Variants in ANK1 observed in about 807,000 individuals in gnomAD.
ANK1 encodes the protein ankyrin-1.
In ANK1, 51 loss-of-function variants were observed where a neutral mutation model predicts 210.4. The ratio of observed to expected loss-of-function variants is 0.24; its 90% CI spans 0.19 to 0.31. ANK1 has a LOEUF of 0.31. Among genes scored for constraint, ANK1 ranks in the 10% least tolerant of loss-of-function variants. The pLI, the probability that ANK1 is intolerant of heterozygous loss-of-function variation, is 1.00. For synonymous variants in ANK1, 967 were observed against 1,025.9 expected (o/e 0.94, Z 1.10); for missense variants, 2,051 against 2,504.4 (o/e 0.82, Z 3.86).
intron 20 of ANK1, 33 bp from the exon 21 acceptor site, chr8:41,702,177 A>G: frequency 6.3e-7 from 1 of 1,577,664 alleles, no homozygotes; most frequent in Non-Finnish European, 8.7e-7. Flanking sequence ...GCAGTCAGAC[A>G]GGGGATGGAG....
rs1849002757 is a variant in ANK1, at chr8:41,797,559, C to A, written c.-21G>T. Reference sequence around the variant, plus strand: ...GGCATGCCGGTCTTTCAGCAGGGGCCCGCCGAAGGGCCTTGGGGGCTTGAG... The same window carrying A: ...GGCATGCCGGTCTTTCAGCAGGGGCACGCCGAAGGGCCTTGGGGGCTTGAG... On this transcript the variant is annotated 5_prime_UTR_variant, in exon 1 of 43. Transcript: ENST00000289734. This position sits in a 1 kb window ranked among gnomAD's most constrained non-coding sequence, Gnocchi z 4.0. 1 of 1,613,268 alleles carries A rather than the reference C, an allele frequency of 6.2e-7. No homozygotes were observed. Among genetic ancestry groups the A allele is most frequent in the Non-Finnish European group, 8.5e-7 (1 of 1,179,844 alleles).
intron 34 of ANK1, 45 bp downstream of exon 34, chr8:41,688,465 CT>C (rs1818309835): frequency 6.2e-7 from 1 of 1,600,482 alleles, no homozygotes; most frequent in African/African-American, 1.3e-5. Flanking sequence ...CACGCCCACC[CT>C]TCTTGGGAAG....
chr8:41,876,932 C>G (rs1055732447), intron 1 of ANK1, among the ~76,000 whole-genome samples: 2 of 152,160 alleles, frequency 1.3e-5, no homozygotes, highest in African/African-American at 2.4e-5. Context: ...CATGGAAAAA[C>G]TCATATTTTC....
chr8:41,800,534 A>G (rs1315589079), upstream of ANK1, among the ~76,000 whole-genome samples: 2 of 152,186 alleles, frequency 1.3e-5, no homozygotes, highest in East Asian at 3.9e-4. Context: ...AAAAGATAAT[A>G]AACTGATAGT....
upstream of ANK1, among the ~76,000 whole-genome samples, chr8:41,801,054 G>T (rs1462002386): frequency 1.3e-5 from 2 of 152,126 alleles, no homozygotes; most frequent in African/African-American, 4.8e-5. Context: ...ATTCAGCCAG[G>T]ATTCATTTAT....
chr8:41,840,978 G>A (rs1808787142), intron 1 of ANK1, among the ~76,000 whole-genome samples: 4 of 152,192 alleles, frequency 2.6e-5, no homozygotes, highest in African/African-American at 9.7e-5. Context: ...CGCTGCTACA[G>A]AGAACAGTGT....
At chr8:41,673,733 G>C (rs550076469) in intron 37 of ANK1, among the ~76,000 whole-genome samples, 1 of 152,352 alleles carries the variant, frequency 6.6e-6, no homozygotes, top group African/African-American at 2.4e-5. Flanking sequence ...CTCAGGCCCT[G>C]AGTGCATGAC....
intron 1 of ANK1, chr8:41,829,985 T>C (rs563702571): frequency 1.3e-5 from 2 of 151,302 alleles, no homozygotes; most frequent in Non-Finnish European, 2.9e-5. Flanking sequence ...CTTTAGTTTT[T>C]ATAAGTGAGG....
chr8:41,821,217 G>C (rs1313401122), intron 1 of ANK1, among the ~76,000 whole-genome samples: 2 of 152,146 alleles, frequency 1.3e-5, no homozygotes, highest in Non-Finnish European at 2.9e-5. Context: ...AATCATGAGA[G>C]ACTTTGTCAA....
chr8:41,698,827 G>A (rs995703708), intron 23 of ANK1, among the ~76,000 whole-genome samples: 8 of 151,078 alleles, frequency 5.3e-5, no homozygotes, highest in Admixed American at 5.3e-4. Flanking sequence ...ATGGAGTTTC[G>A]CTCTTGTTGC....
At chr8:41,862,170 A>T (rs1010776677) in intron 1 of ANK1, among the ~76,000 whole-genome samples, 2 of 152,178 alleles carry the variant, frequency 1.3e-5, no homozygotes, top group African/African-American at 4.8e-5. Flanking sequence ...TTGAGGCATA[A>T]CAGAGCTAGA....
At chr8:41,790,183 G>A (rs1847341022) in intron 1 of ANK1, among the ~76,000 whole-genome samples, 1 of 146,714 alleles carries the variant, frequency 6.8e-6, no homozygotes, top group African/African-American at 2.5e-5. Context: ...TTTCACTCTT[G>A]TCGCCCAGGC....
upstream of ANK1, among the ~76,000 whole-genome samples, chr8:41,799,853 G>A (rs1177223760): frequency 6.6e-6 from 1 of 152,168 alleles, no homozygotes; most frequent in Non-Finnish European, 1.5e-5. Context: ...GTTTCGGGGA[G>A]CAGCCTGGTT....
intron 1 of ANK1, among the ~76,000 whole-genome samples, chr8:41,857,652 C>A (rs529093095): frequency 1.1e-4 from 16 of 151,986 alleles, no homozygotes; most frequent in African/African-American, 3.6e-4. Context: ...GCAGGAGAAT[C>A]ACTTGAACCC....
chr8:41,740,450 A>C (rs1046122041), intron 2 of ANK1, among the ~76,000 whole-genome samples: 2 of 139,784 alleles, frequency 1.4e-5, no homozygotes, highest in Non-Finnish European at 3.2e-5. Context: ...GTGAGCCACC[A>C]CGCCCAATTG....
At chr8:41,866,290 A>G (rs1180900927) in intron 1 of ANK1, among the ~76,000 whole-genome samples, 3 of 152,202 alleles carry the variant, frequency 2.0e-5, no homozygotes, top group Non-Finnish European at 4.4e-5. Flanking sequence ...CCTGGGCTCA[A>G]GCGATTCTCC....
intron 1 of ANK1, among the ~76,000 whole-genome samples, chr8:41,805,122 TTCTC>T (rs749558095): frequency 6.6e-4 from 98 of 148,354 alleles, no homozygotes; most frequent in Non-Finnish European, 1.1e-3. Context: ...ATAGAGCTCT[TTCTC>T]TCTTTCTTTC....
chr8:41,677,555 G>A (rs996627440), intron 37 of ANK1, among the ~76,000 whole-genome samples: 1 of 150,654 alleles, frequency 6.6e-6, no homozygotes, highest in Non-Finnish European at 1.5e-5. Flanking sequence ...GCCACACCAT[G>A]TTCTGGCTTC....
At chr8:41,728,938 C>A (rs1224270089) in intron 3 of ANK1, among the ~76,000 whole-genome samples, 3 of 152,326 alleles carry the variant, frequency 2.0e-5, no homozygotes, top group Non-Finnish European at 2.9e-5. Flanking sequence ...GGCAACAAGC[C>A]CTCTGAGAGG....
Sources: gnomAD v4.1 joint callset for allele counts (sites outside exome capture counted in the v4.1 genomes callset) on GRCh38, gnomAD v4.1.1 for gene constraint, Gnocchi (gnomAD v3.1) non-coding constraint, MANE v1.5 for transcripts, NCBI Gene and HGNC (gene_info 2026-07-23, HGNC 2026-07-21) for gene names.